The following PRKG1 variants were observed in gnomAD, a reference collection of about 807,000 sequenced individuals.
The protein encoded by PRKG1 is cGMP-dependent protein kinase 1.
A neutral mutation model predicts 88.1 loss-of-function variants in PRKG1; 35 were observed. The ratio of observed to expected loss-of-function variants is 0.40; its 90% confidence interval spans 0.30 to 0.53. The LOEUF is 0.53. Ranked by LOEUF, PRKG1 falls within the 20% of genes least tolerant of loss-of-function variation. The pLI, the probability that PRKG1 is intolerant of heterozygous loss-of-function variation, is 0.59. For synonymous variants in PRKG1, 303 were observed against 292.5 expected (o/e 1.04, Z -0.37); for missense variants, 540 against 839.8 (o/e 0.64, Z 4.41).
intron 3 of PRKG1, among the ~76,000 whole-genome samples, chr10:51,552,981 G>T (rs527429540): frequency 2.6e-5 from 4 of 151,630 alleles, no homozygotes; most frequent in Non-Finnish European, 3.0e-5. Context: ...AAAAATTATG[G>T]ATCCAAAATA....
chr10:51,184,005 A>G (rs1322289007), intron 2 of PRKG1, among the ~76,000 whole-genome samples: 2 of 152,130 alleles, frequency 1.3e-5, no homozygotes, highest in Non-Finnish European at 2.9e-5. Context: ...CATGACCAAT[A>G]GATTGGTTTT....
intron 5 of PRKG1, among the ~76,000 whole-genome samples, chr10:52,015,702 C>T (rs770534022): frequency 3.3e-5 from 5 of 152,182 alleles, no homozygotes; most frequent in Non-Finnish European, 5.9e-5. Flanking sequence ...GTTCCAATTT[C>T]AAATTATCTC....
At chr10:52,184,119 C>T (rs1839121577) in intron 9 of PRKG1, among the ~76,000 whole-genome samples, 1 of 151,998 alleles carries the variant, frequency 6.6e-6, no homozygotes, top group African/African-American at 2.4e-5. Context: ...TGCTTTGTCC[C>T]CTTCGTCAAT....
chr10:51,130,343 G>A (rs1263727917), intron 1 of PRKG1, among the ~76,000 whole-genome samples: 2 of 152,080 alleles, frequency 1.3e-5, no homozygotes, highest in Admixed American at 6.6e-5. Context: ...CTCTGACTGT[G>A]AGAATCCCTG....
intron 3 of PRKG1, among the ~76,000 whole-genome samples, chr10:51,693,330 G>T (rs1230621034): frequency 6.7e-6 from 1 of 150,308 alleles, no homozygotes; most frequent in Non-Finnish European, 1.5e-5. Flanking sequence ...AAATATTTGG[G>T]TGCTTTTTAA....
chr10:51,785,370 T>C (rs1589284748), intron 3 of PRKG1, among the ~76,000 whole-genome samples: 1 of 152,164 alleles, frequency 6.6e-6, no homozygotes, highest in Middle Eastern at 3.4e-3. Context: ...TTGTTACTGT[T>C]TCCTGGTTGG....
intron 2 of PRKG1, among the ~76,000 whole-genome samples, chr10:51,295,113 T>C (rs765496473): frequency 9.9e-5 from 15 of 152,126 alleles, no homozygotes; most frequent in Non-Finnish European, 2.1e-4. Flanking sequence ...TTGCTTTGGC[T>C]ATTGAAGGTC....
At chr10:51,546,337 A>G (rs547069550) in intron 3 of PRKG1, among the ~76,000 whole-genome samples, 170 of 152,202 alleles carry the variant, frequency 1.1e-3, no homozygotes, top group African/African-American at 3.9e-3. Context: ...CTGAAAATGG[A>G]CTAATAGCTG....
intron 9 of PRKG1, among the ~76,000 whole-genome samples, chr10:52,205,475 T>A (rs1442489530): frequency 6.6e-6 from 1 of 152,150 alleles, no homozygotes; most frequent in Non-Finnish European, 1.5e-5. Context: ...CACGTTGAAT[T>A]ATTGGGGGTG....
intron 3 of PRKG1, among the ~76,000 whole-genome samples, chr10:51,732,536 A>G (rs1341127252): frequency 6.6e-6 from 1 of 152,212 alleles, no homozygotes; most frequent in African/African-American, 2.4e-5. Context: ...GAGATTCAAG[A>G]AAGTGAAATT....
At chr10:51,598,150 T>A (rs140951513) in intron 3 of PRKG1, among the ~76,000 whole-genome samples, 3 of 152,310 alleles carry the variant, frequency 2.0e-5, no homozygotes, top group Non-Finnish European at 4.4e-5. Context: ...ACAAAAATAC[T>A]CCATGCTCTC....
Position 51,332,659 on chromosome 10 carries a change from A to T in PRKG1, c.479-135064A>T, listed in dbSNP as rs189180015. 7.6e-4 allele frequency among the ~76,000 whole-genome samples: 115 copies of T among 152,206 alleles called. 1 individual carries two copies. The East Asian group carries it at 0.021, about 28-fold the overall frequency. On this transcript the variant is annotated intron_variant, in intron 2 of 17. Coordinates refer to ENST00000373980, the MANE Select transcript of PRKG1 (RefSeq NM_006258.4). ...TAGGGAAACTCTTATGGAGAGGGAG[A>T]GAGTTAGTTTCTGGCTTCTGTTGAC...
intron 4 of PRKG1, among the ~76,000 whole-genome samples, chr10:51,811,580 A>T (rs1301596169): frequency 1.3e-5 from 2 of 152,284 alleles, no homozygotes; most frequent in East Asian, 3.9e-4. Flanking sequence ...GAGCTGCCTC[A>T]CATCACCCAG....
chr10:51,078,635 G>A (rs902091847), intron 1 of PRKG1, among the ~76,000 whole-genome samples: 2 of 125,940 alleles, frequency 1.6e-5, no homozygotes, highest in Non-Finnish European at 3.4e-5. Flanking sequence ...TTTATTTATT[G>A]AGACGGAGTC....
intron 2 of PRKG1, among the ~76,000 whole-genome samples, chr10:51,221,318 A>C (rs1220167201): frequency 6.6e-6 from 1 of 152,108 alleles, no homozygotes; most frequent in Non-Finnish European, 1.5e-5. Flanking sequence ...TAAAATTCTC[A>C]AGTGACTAAA....
chr10:52,069,559 A>G (rs1846443686), intron 7 of PRKG1, among the ~76,000 whole-genome samples: 1 of 152,166 alleles, frequency 6.6e-6, no homozygotes, highest in Non-Finnish European at 1.5e-5. Context: ...TAAAACAATA[A>G]AATTATAGTA....
At chr10:51,930,657 G>A (rs539968048) in intron 5 of PRKG1, among the ~76,000 whole-genome samples, 1 of 151,550 alleles carries the variant, frequency 6.6e-6, no homozygotes, top group Admixed American at 6.6e-5. Flanking sequence ...TGCCCAGCTA[G>A]TTTTTGTATT....
Position 51,135,992 on chromosome 10 carries a change from A to G in PRKG1, c.312-17172A>G, listed in dbSNP as rs568535814. On this transcript the variant is annotated intron_variant, in intron 1 of 17. Coordinates refer to ENST00000373980, the MANE Select transcript of PRKG1 (RefSeq NM_006258.4). ...GGGGAAGGGGGGAGGGGGGAGGGAT[A>G]GCATTAGGAGATATACCTAATGCTA... 6.0e-5 allele frequency among the ~76,000 whole-genome samples: 9 copies of G among 150,806 alleles called. No individual in the cohort carries two copies. In the East Asian group the frequency reaches 7.9e-4, roughly 13 times the overall value.
chr10:51,457,885 G>A (rs950189310), intron 2 of PRKG1, among the ~76,000 whole-genome samples: 1 of 152,110 alleles, frequency 6.6e-6, no homozygotes, highest in Non-Finnish European at 1.5e-5. Flanking sequence ...GGAGGACAAA[G>A]GTCATCATTC....
Sources: gnomAD v4.1 joint callset for allele counts (sites outside exome capture counted in the v4.1 genomes callset) on GRCh38, gnomAD v4.1.1 for gene constraint, MANE v1.5 for transcripts, NCBI Gene and HGNC (gene_info 2026-07-23, HGNC 2026-07-21) for gene names.